Variants in OCIAD2 observed in about 807,000 individuals in gnomAD.
The protein encoded by OCIAD2 is OCIA domain containing 2.
Under a neutral mutation model 22.9 loss-of-function variants are expected in OCIAD2, and 29 were observed. That is an observed-to-expected ratio of 1.27 (90% CI 0.94 to 1.73). The LOEUF is 1.73. Among genes scored for constraint, OCIAD2 ranks in the 40% most tolerant of loss-of-function variants. The pLI is 0.00. For synonymous variants in OCIAD2, 67 were observed against 60.2 expected (o/e 1.11, Z -0.52); for missense variants, 189 against 180.3 (o/e 1.05, Z -0.28).
intron 3 of OCIAD2, 135 bp from the exon 4 acceptor site, chr4:48,897,992 A>C: frequency 3.0e-6 from 2 of 663,960 alleles, no homozygotes; most frequent in South Asian, 3.7e-5. Flanking sequence ...TATTTTACTT[A>C]TTCAACAAAT....
At chr4:48,904,639 G>C (rs1194008036) in intron 1 of OCIAD2, 28 bp from the exon 2 acceptor site, 9 of 1,139,032 alleles carry the variant, frequency 7.9e-6, no homozygotes, top group South Asian at 1.2e-5. Context: ...GAATCACTAT[G>C]CCATGACTAA....
chr4:48,893,675 A>ACT, intron 5 of OCIAD2: 1 of 172,646 alleles, frequency 5.8e-6, no homozygotes, highest in Non-Finnish European at 1.2e-5. Flanking sequence ...GTCTAAGAAG[A>ACT]AGTCCCAACT....
Position 48,904,531 on chromosome 4 carries a change from G to T in OCIAD2, c.19C>A (p.Arg7Ser). 1 of 1,614,036 alleles carries T rather than the reference G, an allele frequency of 6.2e-7. No individual in the cohort carries two copies. MASASA[R>S]GNQDKDAHFP... ...TGGGCATCTTTATCTTGGTTTCCAC[G>T]AGCAGACGCTGAAGCCATGATGACT... The change falls in exon 2 of 7, where the codon CGT becomes AGT. Residue 7 changes from arginine to serine, a missense_variant. Physicochemically the swap from Arg to Ser is moderately radical, Grantham distance 110. Transcript: ENST00000508632.
intron 6 of OCIAD2, among the ~76,000 whole-genome samples, chr4:48,892,563 TA>T (rs1280636674): frequency 6.6e-6 from 1 of 152,190 alleles, no homozygotes; most frequent in Non-Finnish European, 1.5e-5. Context: ...AGATTCCCAT[TA>T]AATATTTATC....
intron 1 of OCIAD2, among the ~76,000 whole-genome samples, chr4:48,906,249 T>A (rs972337968): frequency 7.9e-5 from 12 of 152,110 alleles, no homozygotes; most frequent in Admixed American, 2.6e-4. Context: ...GGGGACCCTC[T>A]GTTTCCTCAG....
At chr4:48,903,811 A>AT (rs957095068) in intron 2 of OCIAD2, among the ~76,000 whole-genome samples, 3 of 151,386 alleles carry the variant, frequency 2.0e-5, no homozygotes, top group African/African-American at 4.9e-5. Flanking sequence ...ATGCCCGGCT[A>AT]TTTTTTTGTA....
chr4:48,889,247 T>C (rs1781089376), intron 6 of OCIAD2, among the ~76,000 whole-genome samples: 1 of 152,210 alleles, frequency 6.6e-6, no homozygotes, highest in Non-Finnish European at 1.5e-5. Flanking sequence ...TTATTAGTCT[T>C]GCTAGCAGTC....
intron 4 of OCIAD2, among the ~76,000 whole-genome samples, chr4:48,897,390 A>T (rs1315874147): frequency 6.6e-6 from 1 of 152,014 alleles, no homozygotes; most frequent in Non-Finnish European, 1.5e-5. Context: ...ACATTCCTCC[A>T]CTAATGGTCC....
chr4:48,900,447 A>G (rs1380944021), intron 2 of OCIAD2, among the ~76,000 whole-genome samples: 3 of 151,730 alleles, frequency 2.0e-5, no homozygotes, highest in Non-Finnish European at 4.4e-5. Context: ...ATTATTTGAC[A>G]TAGTTTAGTT....
intron 6 of OCIAD2, 68 bp from the exon 7 acceptor site, chr4:48,885,633 ATATTATTCT>A: frequency 1.3e-6 from 1 of 795,292 alleles, no homozygotes; most frequent in South Asian, 1.5e-5. Flanking sequence ...TTTACATAAC[ATATTATTCT>A]TATTATTTTA....
intron 1 of OCIAD2, among the ~76,000 whole-genome samples, chr4:48,905,935 T>C (rs1320790773): frequency 6.6e-6 from 1 of 152,140 alleles, no homozygotes; most frequent in Non-Finnish European, 1.5e-5. Flanking sequence ...GACACAACAA[T>C]GGTGAGGGGC....
intron 1 of OCIAD2, among the ~76,000 whole-genome samples, chr4:48,906,314 A>C (rs551564452): frequency 6.6e-6 from 1 of 151,998 alleles, no homozygotes; most frequent in South Asian, 2.1e-4. Context: ...TGTGCGGAGG[A>C]GGGCGCGCCC....
At chr4:48,898,004 TTTA>T in intron 3 of OCIAD2, 147 bp from the exon 4 acceptor site, 1 of 646,456 alleles carries the variant, frequency 1.5e-6, no homozygotes, top group South Asian at 1.9e-5. Context: ...TCAACAAATA[TTTA>T]TTAAGTGCAG....
At chr4:48,903,423 G>C (rs1381876019) in intron 2 of OCIAD2, among the ~76,000 whole-genome samples, 4 of 152,050 alleles carry the variant, frequency 2.6e-5, no homozygotes, top group Non-Finnish European at 4.4e-5. Context: ...GATCATTTGA[G>C]CTCAGGAGTT....
intron 1 of OCIAD2, 167 bp from the exon 2 acceptor site, chr4:48,904,778 A>C: frequency 1.7e-6 from 1 of 595,480 alleles, no homozygotes; most frequent in Non-Finnish European, 3.0e-6. Flanking sequence ...GCACACATAC[A>C]TGCACTCACT....
intron 5 of OCIAD2, 22 bp from the exon 6 acceptor site, chr4:48,892,911 G>A (rs763297946): frequency 1.6e-6 from 2 of 1,230,196 alleles, no homozygotes; most frequent in East Asian, 4.8e-5. Flanking sequence ...GGTTGGGAGA[G>A]ATTAGTTGAG....
At chr4:48,905,855 C>T (rs1282544433) in intron 1 of OCIAD2, among the ~76,000 whole-genome samples, 4 of 152,156 alleles carry the variant, frequency 2.6e-5, no homozygotes, top group African/African-American at 9.7e-5. Flanking sequence ...TTTACCCCTG[C>T]GATCCCTTTG....
In OCIAD2 at chr4:48,885,319, G is replaced by A. The variant is rs1780949811; in HGVS notation, c.*165C>T. On this transcript the variant is annotated 3_prime_UTR_variant, in exon 7 of 7. Transcript: ENST00000508632. Reference sequence around the variant, plus strand: ...ATGTTCTTAAAGAGCAGAAAAACATGTAACGCTTAGTTCACTTGAAAGCCT... The same window carrying A: ...ATGTTCTTAAAGAGCAGAAAAACATATAACGCTTAGTTCACTTGAAAGCCT... The A allele has an allele frequency of 4.3e-6, 2 of 464,700 alleles. No homozygotes were observed. Among genetic ancestry groups the A allele is most frequent in the Non-Finnish European group, 7.7e-6 (2 of 258,382 alleles). 28.8% of individuals were successfully genotyped at this position (464,700 alleles called of 1,614,324 possible). A position where few individuals can be genotyped will look rare whatever the true frequency, so the allele number is the denominator to read the frequency against.
chr4:48,887,286 C>T (rs1195958541), intron 6 of OCIAD2, among the ~76,000 whole-genome samples: 25 of 151,792 alleles, frequency 1.6e-4, no homozygotes, highest in African/African-American at 2.9e-4. Context: ...ATTCTGTAGG[C>T]TGCCTGTTCA....
Sources: allele counts gnomAD v4.1 joint callset (sites outside exome capture counted in the v4.1 genomes callset), GRCh38; gene constraint gnomAD v4.1.1; transcripts MANE v1.5; gene names NCBI Gene and HGNC (gene_info 2026-07-23, HGNC 2026-07-21).